Variants in MCC observed in about 807,000 individuals in gnomAD.
The protein encoded by MCC is MCC regulator of Wnt signaling pathway.
A neutral mutation model predicts 116.2 loss-of-function variants in MCC; 90 were observed. The ratio of observed to expected loss-of-function variants is 0.77; its 90% CI spans 0.65 to 0.92. MCC has a LOEUF of 0.92. Ranked by LOEUF, MCC falls within the 40% of genes least tolerant of loss-of-function variation. MCC has a pLI of 0.00. For synonymous variants in MCC, 578 were observed against 510.5 expected (o/e 1.13, Z -1.78); for missense variants, 1,516 against 1,312.2 (o/e 1.16, Z -2.40).
intron 14 of MCC, among the ~76,000 whole-genome samples, chr5:113,057,613 G>A (rs1010355518): frequency 1.3e-5 from 2 of 152,222 alleles, no homozygotes; most frequent in African/African-American, 4.8e-5. Context: ...CGCGCCCACA[G>A]CAGAGGGCAC....
chr5:113,365,083 T>TC (rs1375274263), intron 2 of MCC, among the ~76,000 whole-genome samples: 1 of 152,204 alleles, frequency 6.6e-6, no homozygotes, highest in Non-Finnish European at 1.5e-5. Context: ...ACTGAATTCT[T>TC]CCCCTGAAAA....
intron 3 of MCC, among the ~76,000 whole-genome samples, chr5:113,293,804 C>G (rs1766602516): frequency 6.6e-6 from 1 of 152,156 alleles, no homozygotes. Context: ...GACCCCTCCC[C>G]AGCGCGGGTC....
At position 113,434,937 on chromosome 5, in the gene MCC, T is replaced by C; in HGVS notation, c.171-49725A>G. 4 of 1,465,480 alleles carry C rather than the reference T, an allele frequency of 2.7e-6. No individual in the cohort carries two copies. Among genetic ancestry groups the C allele is most frequent in the Middle Eastern group, 2.5e-4 (1 of 3,926 alleles). The allele number at this position is 1,465,480 out of a possible 1,614,324, so 90.8% of individuals were successfully genotyped here. A position where few individuals can be genotyped will look rare whatever the true frequency, so the allele number is the denominator to read the frequency against. On this transcript the variant is annotated intron_variant, in intron 1 of 18. Coordinates refer to ENST00000408903, the MANE Select transcript of MCC (RefSeq NM_001085377.2). This position sits in a 1 kb window ranked among gnomAD's most constrained non-coding sequence, Gnocchi z 4.2. The stretch of plus-strand genomic sequence containing the variant: ...ATTTACATCCTGGATAGAGAGTCCT[T>C]TGGGCTGGCCAGGCCTGCTGTTCCT...
At chr5:113,130,485 T>C (rs981847576) in intron 5 of MCC, among the ~76,000 whole-genome samples, 1 of 151,942 alleles carries the variant, frequency 6.6e-6, no homozygotes, top group Non-Finnish European at 1.5e-5. Flanking sequence ...TTAAAAAAAA[T>C]GAAAAAAAGG....
chr5:113,167,013 A>G (rs773443043), intron 3 of MCC, among the ~76,000 whole-genome samples: 1 of 152,188 alleles, frequency 6.6e-6, no homozygotes, highest in African/African-American at 2.4e-5. Context: ...ACTCTCCCGG[A>G]AAACCTTTCC....
chr5:113,040,420 C>A (rs568805752), intron 17 of MCC, among the ~76,000 whole-genome samples: 1 of 152,276 alleles, frequency 6.6e-6, no homozygotes, highest in African/African-American at 2.4e-5. Context: ...GACACCTGAT[C>A]TTTTCAGTCT....
At chr5:113,451,915 C>T (rs990496916) in intron 1 of MCC, among the ~76,000 whole-genome samples, 12 of 152,200 alleles carry the variant, frequency 7.9e-5, no homozygotes, top group African/African-American at 2.4e-4. Flanking sequence ...CTGAGCAGTC[C>T]TTTTGCTCTA....
intron 14 of MCC, among the ~76,000 whole-genome samples, chr5:113,057,717 A>G (rs1752930925): frequency 6.6e-6 from 1 of 152,234 alleles, no homozygotes; most frequent in African/African-American, 2.4e-5. Context: ...AGCGGCAGGC[A>G]TGCCTCGTAC....
intron 3 of MCC, among the ~76,000 whole-genome samples, chr5:113,258,657 C>T (rs140509621): frequency 6.9e-4 from 105 of 152,314 alleles, no homozygotes; most frequent in African/African-American, 2.5e-3. Flanking sequence ...CGAAAGCAGT[C>T]CCTGCCAAAA....
intron 1 of MCC, among the ~76,000 whole-genome samples, chr5:113,393,508 G>T (rs1332141126): frequency 6.6e-6 from 1 of 152,122 alleles, no homozygotes; most frequent in African/African-American, 2.4e-5. Flanking sequence ...AGAGCATCTG[G>T]TTATTTTCCT....
chr5:113,463,106 A>G (rs1387307022), intron 1 of MCC, among the ~76,000 whole-genome samples: 1 of 152,190 alleles, frequency 6.6e-6, no homozygotes, highest in African/African-American at 2.4e-5. Flanking sequence ...CACAGGAGCT[A>G]GATAGGGAGT....
chr5:113,155,659 G>A lies in MCC; in HGVS notation c.628-4237C>T, dbSNP rs186820022. ...TTTGGGATCCCTTTAATCATATTCT[G>A]GTTTCTGAAATGGCCTCTAACTTGA... On this transcript the variant is annotated intron_variant, in intron 3 of 18. Coordinates refer to ENST00000408903, the MANE Select transcript of MCC (RefSeq NM_001085377.2). Among the ~76,000 whole-genome samples the A allele has an allele frequency of 3.0e-4, 45 of 152,254 alleles. No individual in the cohort carries two copies. The South Asian group carries it at 4.6e-3, about 15-fold the overall frequency.
chr5:113,400,461 A>G (rs1322210730), intron 1 of MCC, among the ~76,000 whole-genome samples: 1 of 151,856 alleles, frequency 6.6e-6, no homozygotes, highest in Non-Finnish European at 1.5e-5. Flanking sequence ...TCCTATTGAC[A>G]CTGTAGTGAA....
intron 2 of MCC, among the ~76,000 whole-genome samples, chr5:113,363,798 G>A (rs1768609143): frequency 6.6e-6 from 1 of 152,092 alleles, no homozygotes; most frequent in Non-Finnish European, 1.5e-5. Flanking sequence ...AAAGTCCAAA[G>A]TCCAAAATCT....
At chr5:113,385,749 C>T (rs919142946) in intron 1 of MCC, among the ~76,000 whole-genome samples, 7 of 152,270 alleles carry the variant, frequency 4.6e-5, no homozygotes, top group African/African-American at 1.7e-4. Flanking sequence ...TGCTTAGCTA[C>T]CTTTGGTTTT....
chr5:113,354,664 A>G (rs1451247900), intron 2 of MCC, among the ~76,000 whole-genome samples: 2 of 151,716 alleles, frequency 1.3e-5, no homozygotes, highest in Non-Finnish European at 2.9e-5. Flanking sequence ...TGAACTCCTG[A>G]CCTCAGGTGA....
intron 3 of MCC, among the ~76,000 whole-genome samples, chr5:113,174,575 C>A (rs1317378865): frequency 2.0e-5 from 3 of 151,804 alleles, no homozygotes; most frequent in Non-Finnish European, 4.4e-5. Context: ...GAGAAAAAAC[C>A]CACGACATAT....
intron 1 of MCC, among the ~76,000 whole-genome samples, chr5:113,444,022 T>TGTGTGTGTGTGTG (rs1554084179): frequency 2.0e-5 from 3 of 151,542 alleles, no homozygotes; most frequent in Non-Finnish European, 2.9e-5. Flanking sequence ...TGTGTGTGTG[T>TGTGTGTGTGTGTG]TTAGTAGAGA....
intron 3 of MCC, among the ~76,000 whole-genome samples, chr5:113,335,669 A>G (rs936439939): frequency 2.6e-5 from 4 of 151,674 alleles, no homozygotes; most frequent in Admixed American, 2.6e-4. Context: ...GACTCTTAAA[A>G]TATCTCATAT....
Sources: gnomAD v4.1 joint callset for allele counts (sites outside exome capture counted in the v4.1 genomes callset) on GRCh38, gnomAD v4.1.1 for gene constraint, Gnocchi (gnomAD v3.1) non-coding constraint, MANE v1.5 for transcripts, NCBI Gene and HGNC (gene_info 2026-07-23, HGNC 2026-07-21) for gene names.